The following ZNF536 variants were observed in gnomAD, a reference collection of about 807,000 sequenced individuals.
ZNF536 encodes zinc finger protein 536.
Under a neutral mutation model 84.5 loss-of-function variants are expected in ZNF536, and 13 were observed. The observed-to-expected ratio is 0.15, with a 90% CI of 0.10 to 0.24. The LOEUF is 0.24. Ranked by LOEUF, ZNF536 falls within the 10% of genes least tolerant of loss-of-function variation. ZNF536 has a pLI of 1.00. For synonymous variants in ZNF536, 811 were observed against 742.5 expected (o/e 1.09, Z -1.50); for missense variants, 1,536 against 1,747.5 (o/e 0.88, Z 2.16).
chr19:30,410,794 A>G (rs2050462778), intron 1 of ZNF536, among the ~76,000 whole-genome samples: 1 of 150,262 alleles, frequency 6.7e-6, no homozygotes, highest in African/African-American at 2.5e-5. Context: ...AGGTCTTTTT[A>G]AAATCTCTCA....
chr19:30,475,009 A>G (rs979637312), intron 2 of ZNF536, among the ~76,000 whole-genome samples: 1 of 149,944 alleles, frequency 6.7e-6, no homozygotes, highest in Non-Finnish European at 1.5e-5. Context: ...GCACTACCCT[A>G]TAATTCTGCA....
At chr19:30,582,629 G>A (rs1189991421) in intron 1 of ZNF536, among the ~76,000 whole-genome samples, 1 of 151,928 alleles carries the variant, frequency 6.6e-6, no homozygotes, top group South Asian at 2.1e-4. Context: ...CCCAAGACTA[G>A]GTTATTTATA....
chr19:30,323,783 C>T (rs1192357568), intron 2 of ZNF536, among the ~76,000 whole-genome samples: 2 of 152,210 alleles, frequency 1.3e-5, no homozygotes, highest in Middle Eastern at 3.4e-3. Context: ...GTTTCTATCC[C>T]TCTGCTAGTG....
chr19:30,251,286 A>G (rs2024595621), intron 1 of ZNF536, among the ~76,000 whole-genome samples: 4 of 152,190 alleles, frequency 2.6e-5, no homozygotes, highest in Admixed American at 2.6e-4. Flanking sequence ...TAGTAGATTA[A>G]TGTGGACAAT....
intron 1 of ZNF536, among the ~76,000 whole-genome samples, chr19:30,235,430 A>G (rs1442808309): frequency 6.6e-6 from 1 of 152,226 alleles, no homozygotes; most frequent in East Asian, 1.9e-4. Flanking sequence ...GGAACTTGCT[A>G]CTTTGAGAAC....
intron 2 of ZNF536, among the ~76,000 whole-genome samples, chr19:30,513,251 G>T (rs2055492807): frequency 1.3e-5 from 2 of 152,094 alleles, no homozygotes; most frequent in African/African-American, 4.8e-5. Flanking sequence ...GCTAGATGAG[G>T]GTTTGCTGTT....
At chr19:30,566,397 T>C (rs1408182416) in intron 1 of ZNF536, among the ~76,000 whole-genome samples, 1 of 152,218 alleles carries the variant, frequency 6.6e-6, no homozygotes, top group Non-Finnish European at 1.5e-5. Context: ...TAATAAAGAC[T>C]TCCTCTGTGG....
chr19:30,560,249 C>G (rs2046112885), downstream of ZNF536, among the ~76,000 whole-genome samples: 2 of 152,028 alleles, frequency 1.3e-5, no homozygotes, highest in South Asian at 4.1e-4. Context: ...CTTCCATCCC[C>G]AAGTGGGATT....
intron 1 of ZNF536, among the ~76,000 whole-genome samples, chr19:30,574,968 G>A (rs144295792): frequency 1.5e-3 from 228 of 152,236 alleles, no homozygotes; most frequent in African/African-American, 5.2e-3. Context: ...GCTGTGGGCT[G>A]TAGTTCGTCA....
At chr19:30,651,168 G>T (rs1470655448) in intron 1 of ZNF536, among the ~76,000 whole-genome samples, 2 of 152,124 alleles carry the variant, frequency 1.3e-5, no homozygotes, top group Admixed American at 6.6e-5. Context: ...GTTAGGTGGG[G>T]TCCTGGAGGG....
intron 1 of ZNF536, among the ~76,000 whole-genome samples, chr19:30,266,763 G>T (rs2025534253): frequency 6.6e-6 from 1 of 152,092 alleles, no homozygotes. Flanking sequence ...GCAGAACTTG[G>T]ATTTAAAATA....
At chr19:30,699,414 A>G (rs2051799191) in intron 1 of ZNF536, among the ~76,000 whole-genome samples, 1 of 152,338 alleles carries the variant, frequency 6.6e-6, no homozygotes, top group South Asian at 2.1e-4. Context: ...CTTGTAAAAT[A>G]AGTACATTTT....
Position 30,297,910 on chromosome 19 carries a change from C to CCG in ZNF536, c.-120+13770_-120+13771insGC, listed in dbSNP as rs1555714356. Among the ~76,000 whole-genome samples, 94 of 136,748 alleles carry CCG rather than the reference C, an allele frequency of 6.9e-4. 3 individuals carry two copies. The highest frequency in any genetic ancestry group is 2.2e-3 in the African/African-American group (74 of 33,250). The allele number at this position is 136,748 out of a possible 152,430, so 89.7% of individuals were successfully genotyped here. A position where few individuals can be genotyped will look rare whatever the true frequency, so the allele number is the denominator to read the frequency against. On this transcript the variant is annotated intron_variant, in intron 2 of 5. Transcript: ENST00000585628. The stretch of plus-strand genomic sequence containing the variant: ...TTTTTTCTCAAGACGGAGTCCCCCC[C>CCG]CCCTCTGTCGCCCAGGCTGGAGTGC...
chr19:30,623,799 G>A (rs910666644), intron 1 of ZNF536, among the ~76,000 whole-genome samples: 4 of 152,192 alleles, frequency 2.6e-5, no homozygotes, highest in Admixed American at 6.5e-5. Context: ...AGCTGCAAAT[G>A]TTGGGGTGTT....
chr19:30,356,931 C>G (rs1328979609), intron 3 of ZNF536, among the ~76,000 whole-genome samples: 1 of 152,222 alleles, frequency 6.6e-6, no homozygotes, highest in African/African-American at 2.4e-5. Context: ...TCCCTTCTTC[C>G]TGCCTCAAAC....
Position 30,655,935 on chromosome 19 carries a change from A to T in ZNF536, c.170-54822A>T, listed in dbSNP as rs181961906. 1.9e-3 allele frequency among the ~76,000 whole-genome samples: 296 copies of T among 152,218 alleles called. 1 individual carries two copies. The highest frequency in any genetic ancestry group is 7.0e-3 in the African/African-American group (290 of 41,536). On this transcript the variant is annotated intron_variant, in intron 1 of 1. Transcript: ENST00000592773. ...ACACCTGTAGTCCCAGCTACCTGGG[A>T]GGCTGCAGTTGGAGGATCACTTGAG...
At chr19:30,460,600 G>A (rs1480519309) in intron 2 of ZNF536, among the ~76,000 whole-genome samples, 1 of 152,120 alleles carries the variant, frequency 6.6e-6, no homozygotes, top group African/African-American at 2.4e-5. Flanking sequence ...TGGTAATACT[G>A]AGTCTCATCT....
intron 1 of ZNF536, among the ~76,000 whole-genome samples, chr19:30,377,830 C>T (rs1158503445): frequency 6.6e-6 from 1 of 152,194 alleles, no homozygotes; most frequent in Non-Finnish European, 1.5e-5. Flanking sequence ...AGGAATACCT[C>T]ACTTTCTGGG....
intron 1 of ZNF536, among the ~76,000 whole-genome samples, chr19:30,674,695 A>G (rs2147765711): frequency 6.6e-6 from 1 of 152,268 alleles, no homozygotes; most frequent in African/African-American, 2.4e-5. Flanking sequence ...AGCTCTAAAT[A>G]TGAACTCGGA....
Sources: gnomAD v4.1 joint callset for allele counts (sites outside exome capture counted in the v4.1 genomes callset) on GRCh38, gnomAD v4.1.1 for gene constraint, MANE v1.5 for transcripts, NCBI Gene and HGNC (gene_info 2026-07-23, HGNC 2026-07-21) for gene names.